TMC6: variants seen among roughly 807,000 people sequenced by gnomAD.
TMC6 encodes the protein transmembrane channel-like protein 6.
TMC6 carries 71 observed loss-of-function variants against 95.4 expected under a neutral mutation model. That is an observed-to-expected ratio of 0.74 (90% CI 0.61 to 0.91). The LOEUF is 0.91. Ranked by LOEUF, TMC6 falls within the 40% of genes least tolerant of loss-of-function variation. The pLI is 0.00. For missense variants in TMC6, 1,074 were observed against 1,079.1 expected, an observed-to-expected ratio of 1.00 and a Z score of 0.07; for synonymous variants, 514 against 483.1, an observed-to-expected ratio of 1.06 and a Z score of -0.84.
chr17:78,114,895 C>G (rs972776004), intron 18 of TMC6, among the ~76,000 whole-genome samples: 1 of 151,652 alleles, frequency 6.6e-6, no homozygotes, highest in East Asian at 2.0e-4. Context: ...GAGAAAGGTC[C>G]TTCCCATCCC....
Position 78,125,772 on chromosome 17 carries a change from G to A in TMC6, c.384C>T (p.Leu128=). 6.4e-7 allele frequency: 1 copy of A among 1,567,332 alleles called. No individual in the cohort carries two copies. Among genetic ancestry groups the A allele is most frequent in the Non-Finnish European group, 8.6e-7 (1 of 1,156,384 alleles). Residue 128 remains leucine (L), a synonymous_variant, in exon 5 of 20, where the codon CTC becomes CTT. Transcript: ENST00000590602. ...GNFVRSAWPS[L]RLYDLELDPT... is the part of the protein sequence containing the mutation. ...GGTCCAGCTCCAGGTCGTACAGGCGGAGGCTGGGCCAGGCGGAGCGGACAA... is the reference window on the plus strand; with the variant it reads ...GGTCCAGCTCCAGGTCGTACAGGCGAAGGCTGGGCCAGGCGGAGCGGACAA...
Position 78,111,827 on chromosome 17 carries a change from G to A in TMC6, c.*1321C>T, listed in dbSNP as rs1397370365. ...GTTCATTCCCCCAATCCCAAGCGCA[G>A]CTCCTGCAGGCCTGGAGCCCTGGGC... On this transcript the variant is annotated 3_prime_UTR_variant, in exon 20 of 20. Transcript: ENST00000590602. 2 of 201,292 alleles carry A rather than the reference G, an allele frequency of 9.9e-6. No individual in the cohort carries two copies. Among genetic ancestry groups the A allele is most frequent in the African/African-American group, 2.4e-5 (1 of 41,896 alleles). 12.5% of individuals were successfully genotyped at this position (201,292 alleles called of 1,614,324 possible).
At chr17:78,127,150 C>A in intron 1 of TMC6, 2 of 528,644 alleles carry the variant, frequency 3.8e-6, no homozygotes, top group Non-Finnish European at 6.9e-6. Flanking sequence ...GTCTGCAGTT[C>A]CACATCTGTT....
intron 5 of TMC6, 117 bp from the exon 6 acceptor site, chr17:78,125,380 C>T: frequency 1.1e-6 from 1 of 945,820 alleles, no homozygotes; most frequent in Non-Finnish European, 1.6e-6. Flanking sequence ...CACCTCGGTG[C>T]CCTTATTTGA....
upstream of TMC6, chr17:78,131,555 C>A: frequency 1.3e-6 from 2 of 1,539,146 alleles, no homozygotes; most frequent in Non-Finnish European, 1.7e-6. Flanking sequence ...CCACCGGCAG[C>A]CCGGCGCCCC....
intron 18 of TMC6, 21 bp downstream of exon 18, chr17:78,117,245 GAGC>G: frequency 1.9e-6 from 3 of 1,611,948 alleles, no homozygotes; most frequent in Non-Finnish European, 2.5e-6. Flanking sequence ...TGGGGGCTGA[GAGC>G]AGCCCAGGAG....
In TMC6 at chr17:78,128,189, A is replaced by T. The variant is rs372242471; in HGVS notation, c.-75+423T>A. ...GCCCGTTTCCAGGAACCCCCACCCC[A>T]GCCGGCAGCGAGCTTCCCGGGAGCA... On this transcript the variant is annotated intron_variant, in intron 1 of 19. Coordinates refer to ENST00000590602, the MANE Select transcript of TMC6 (RefSeq NM_001127198.5). This position sits in a 1 kb window ranked among gnomAD's most constrained non-coding sequence, Gnocchi z 4.0. Among the ~76,000 whole-genome samples, 761 of 151,980 alleles carry T rather than the reference A, an allele frequency of 5.0e-3. 10 individuals are homozygous for T. Among genetic ancestry groups the T allele is most frequent in the African/African-American group, 0.017 (709 of 41,436 alleles).
chr17:78,117,731 T>A, intron 16 of TMC6, 71 bp downstream of exon 16: 1 of 1,568,242 alleles, frequency 6.4e-7, no homozygotes, highest in Admixed American at 1.9e-5. Flanking sequence ...CCCTAAGCCT[T>A]GGGCCCCCCA....
chr17:78,113,154 A>G lies in TMC6; in HGVS notation c.2412T>C (p.Asp804=). 6.4e-7 allele frequency: 1 copy of G among 1,555,288 alleles called. No individual in the cohort carries two copies. Residue 804 remains aspartate (D), a synonymous_variant, in exon 20 of 20, where the codon GAT becomes GAC. Coordinates refer to ENST00000590602, the MANE Select transcript of TMC6 (RefSeq NM_001127198.5). ...APPALLTDEQ[D]A is the part of the protein sequence containing the mutation. The stretch of plus-strand genomic sequence containing the variant: ...GAGGCCCATCGCCGTCCCCCTAGGC[A>G]TCCTGTTCATCTGTGAGCAGGGCAG...
intron 13 of TMC6, chr17:78,120,152 CTTTTTTTTTTTTT>C (rs35789255): frequency 6.7e-6 from 1 of 149,590 alleles, no homozygotes. Flanking sequence ...ATACACGTTA[CTTTTTTTTTTTTT>C]TTTTTTTTTT....
Position 78,109,487 on chromosome 17 carries a change from G to A in TMC6, c.*3661C>T, listed in dbSNP as rs1416387881. ...GAACAGCACAAGTGTAGTATGCCTGGGCCCCAGGTCATCATGAAAACCAGA... is the reference window on the plus strand; with the variant it reads ...GAACAGCACAAGTGTAGTATGCCTGAGCCCCAGGTCATCATGAAAACCAGA... On this transcript the variant is annotated 3_prime_UTR_variant, in exon 20 of 20. Coordinates refer to ENST00000590602, the MANE Select transcript of TMC6 (RefSeq NM_001127198.5). 19 of 456,682 alleles carry A rather than the reference G, an allele frequency of 4.2e-5. No individual in the cohort carries two copies. The East Asian group carries it at 1.2e-3, about 30-fold the overall frequency. The allele number at this position is 456,682 out of a possible 1,614,324, so 28.3% of individuals were successfully genotyped here. A position where few individuals can be genotyped will look rare whatever the true frequency, so the allele number is the denominator to read the frequency against.
rs1378291821 is a variant in TMC6 at position 78,108,703 on chromosome 17, T to C, written c.*4445A>G. 1 of 154,332 alleles carries C rather than the reference T, an allele frequency of 6.5e-6. No homozygotes were observed. The allele number at this position is 154,332 out of a possible 1,614,324, so 9.6% of individuals were successfully genotyped here. A position where few individuals can be genotyped will look rare whatever the true frequency, so the allele number is the denominator to read the frequency against. On this transcript the variant is annotated 3_prime_UTR_variant, in exon 20 of 20. Transcript: ENST00000590602. ...CACGCAAAGACCTCGTGGGCCTGGG[T>C]GTCCAGGGCACCATTTCCACCCATG...
Position 78,122,154 on chromosome 17 carries a change from A to G in TMC6, c.1228-443T>C, listed in dbSNP as rs1193655694. On this transcript the variant is annotated intron_variant, in intron 10 of 19. Coordinates refer to ENST00000590602, the MANE Select transcript of TMC6 (RefSeq NM_001127198.5). This position sits in a 1 kb window ranked among gnomAD's most constrained non-coding sequence, Gnocchi z 4.9. ...CCAGAAAGGCAGAGAATGTTCCACGAGGCCCGGCTCTGCAGCCTCCTGGCC... is the reference window on the plus strand; with the variant it reads ...CCAGAAAGGCAGAGAATGTTCCACGGGGCCCGGCTCTGCAGCCTCCTGGCC... Among the ~76,000 whole-genome samples the G allele has an allele frequency of 6.6e-6, 1 of 152,140 alleles. No individual in the cohort carries two copies. Among genetic ancestry groups the G allele is most frequent in the Non-Finnish European group, 1.5e-5 (1 of 68,018 alleles).
intron 13 of TMC6, chr17:78,120,396 G>T (rs1873504940): frequency 1.8e-6 from 1 of 567,904 alleles, no homozygotes; most frequent in African/African-American, 1.9e-5. Flanking sequence ...CTGACCTCAG[G>T]TGATCCACTC....
chr17:78,113,427 G>A, intron 19 of TMC6, 121 bp downstream of exon 19: 2 of 1,320,338 alleles, frequency 1.5e-6, no homozygotes, highest in Non-Finnish European at 1.1e-6. Flanking sequence ...ATTTTTGTAG[G>A]TCAAAAGCGG....
chr17:78,114,280 T>C (rs1313784359), intron 18 of TMC6, among the ~76,000 whole-genome samples: 3 of 152,136 alleles, frequency 2.0e-5, no homozygotes, highest in African/African-American at 7.2e-5. Context: ...ACTCTGACCC[T>C]GACACTCCGG....
At chr17:78,118,695 TC>T (rs2074257066) in intron 15 of TMC6, among the ~76,000 whole-genome samples, 1 of 152,110 alleles carries the variant, frequency 6.6e-6, no homozygotes, top group Admixed American at 6.5e-5. Flanking sequence ...GCTTGGTGTC[TC>T]CCAGAGCCCT....
chr17:78,131,557 C>T (rs1384688103), upstream of TMC6: 4 of 1,539,378 alleles, frequency 2.6e-6, no homozygotes, highest in Non-Finnish European at 3.5e-6. Context: ...ACCGGCAGCC[C>T]GGCGCCCCAG....
chr17:78,126,667 G>C lies in TMC6; in HGVS notation c.57-19C>G, dbSNP rs746814904. On this transcript the variant is annotated intron_variant, in intron 2 of 19. Transcript: ENST00000590602. ...GCCCTGGCTGCAGAGGGGGTTGGCG[G>C]GGGGGTCAGGCTCCAGCCACCTCTC... 2.5e-5 allele frequency: 40 copies of C among 1,612,546 alleles called. 1 individual carries two copies. The highest frequency in any genetic ancestry group is 3.3e-4 in the Middle Eastern group (2 of 5,994).
Sources: gnomAD v4.1 joint callset for allele counts (sites outside exome capture counted in the v4.1 genomes callset) on GRCh38, gnomAD v4.1.1 for gene constraint, Gnocchi (gnomAD v3.1) non-coding constraint, MANE v1.5 for transcripts, NCBI Gene and HGNC (gene_info 2026-07-23, HGNC 2026-07-21) for gene names.